Variants in LRTM1 observed in about 807,000 individuals in gnomAD.
LRTM1 encodes leucine-rich repeat and transmembrane domain-containing protein 1.
LRTM1 carries 38 observed loss-of-function variants against 32.4 expected under a neutral mutation model. That is an observed-to-expected ratio of 1.17 (90% CI 0.91 to 1.54). The LOEUF (loss-of-function observed/expected upper bound fraction) is 1.54. Among genes scored for constraint, LRTM1 ranks in the 40% most tolerant of loss-of-function variants. The probability of loss-of-function intolerance (pLI) is 0.00; values close to 1 mark genes in which losing one functional copy is unlikely to be tolerated. For synonymous variants in LRTM1, 186 were observed against 169.9 expected, an observed-to-expected ratio of 1.09 and a Z score of -0.74; for missense variants, 466 against 415.4, an observed-to-expected ratio of 1.12 and a Z score of -1.06.
chr3:54,952,132 C>A (rs779945549), intron 1 of LRTM1, among the ~76,000 whole-genome samples: 13 of 152,214 alleles, frequency 8.5e-5, no homozygotes, highest in Non-Finnish European at 7.3e-5. Flanking sequence ...ACATGTTAGC[C>A]ACTGGGCCTG....
At chr3:54,954,721 A>T (rs1191073999) in intron 1 of LRTM1, among the ~76,000 whole-genome samples, 1 of 152,166 alleles carries the variant, frequency 6.6e-6, no homozygotes, top group Non-Finnish European at 1.5e-5. Context: ...AGAGTCAAAA[A>T]TCCAGAATCT....
intron 1 of LRTM1, among the ~76,000 whole-genome samples, chr3:54,944,535 G>T (rs564829708): frequency 2.0e-5 from 3 of 151,800 alleles, no homozygotes; most frequent in African/African-American, 7.3e-5. Context: ...ATTCCCCTGC[G>T]TCAGCCTCCT....
intron 2 of LRTM1, among the ~76,000 whole-genome samples, chr3:54,922,320 CTTTTT>C (rs199955110): frequency 7.3e-6 from 1 of 137,020 alleles, no homozygotes; most frequent in Admixed American, 7.4e-5. Flanking sequence ...GTCCTGGGAA[CTTTTT>C]TTTTTTTTTT....
At chr3:54,956,422 T>C (rs1342639857) in intron 1 of LRTM1, among the ~76,000 whole-genome samples, 1 of 152,244 alleles carries the variant, frequency 6.6e-6, no homozygotes, top group Non-Finnish European at 1.5e-5. Flanking sequence ...TACCAGTTTT[T>C]GTTTTAACCT....
chr3:54,962,821 G>C (rs531572842), intron 1 of LRTM1, among the ~76,000 whole-genome samples: 1 of 152,218 alleles, frequency 6.6e-6, no homozygotes, highest in African/African-American at 2.4e-5. Flanking sequence ...GTGAGCTTGT[G>C]TGCCAGGCAT....
intron 1 of LRTM1, among the ~76,000 whole-genome samples, chr3:54,945,466 T>G (rs1701588910): frequency 2.0e-5 from 3 of 152,198 alleles, no homozygotes; most frequent in Non-Finnish European, 4.4e-5. Flanking sequence ...TAGGAGCCAA[T>G]GAGTGTCTCC....
At chr3:54,933,514 C>T (rs1014534811) in intron 1 of LRTM1, among the ~76,000 whole-genome samples, 2 of 152,138 alleles carry the variant, frequency 1.3e-5, no homozygotes, top group African/African-American at 2.4e-5. Flanking sequence ...ATCACATGAC[C>T]ATGTCTAACA....
At chr3:54,923,132 T>C (rs879632090) in intron 2 of LRTM1, among the ~76,000 whole-genome samples, 7 of 152,166 alleles carry the variant, frequency 4.6e-5, no homozygotes, top group African/African-American at 9.7e-5. Flanking sequence ...ACCTTTTACA[T>C]TGTAATCAGA....
At chr3:54,933,033 TTCCA>T (rs140054701), upstream of LRTM1, among the ~76,000 whole-genome samples, 5,971 of 146,742 alleles carry the variant, frequency 0.041, 449 homozygotes, top group African/African-American at 0.14. Flanking sequence ...TAATATTGTC[TTCCA>T]TCCATCCATC....
intron 1 of LRTM1, among the ~76,000 whole-genome samples, chr3:54,959,725 G>C (rs1701985489): frequency 6.6e-6 from 1 of 152,182 alleles, no homozygotes; most frequent in Non-Finnish European, 1.5e-5. Flanking sequence ...TCTTCTGAAA[G>C]GTTGAAAGGG....
chr3:54,927,965 G>T lies in LRTM1; in HGVS notation c.-54C>A. Reference sequence around the variant, plus strand: ...ACCTCGTAGACCCTTTAATTAATGTGCAGAGCAACACACGAAGGGCATGGC... The same window carrying T: ...ACCTCGTAGACCCTTTAATTAATGTTCAGAGCAACACACGAAGGGCATGGC... On this transcript the variant is annotated 5_prime_UTR_variant, in exon 1 of 3. Coordinates refer to ENST00000273286, the MANE Select transcript of LRTM1 (RefSeq NM_020678.4). 1.3e-5 allele frequency: 20 copies of T among 1,575,610 alleles called. No individual in the cohort carries two copies. Among genetic ancestry groups the T allele is most frequent in the Admixed American group, 1.7e-5 (1 of 59,948 alleles).
intron 1 of LRTM1, among the ~76,000 whole-genome samples, chr3:54,926,220 C>A (rs778203053): frequency 2.6e-5 from 4 of 152,116 alleles, no homozygotes; most frequent in Non-Finnish European, 5.9e-5. Context: ...CATTTTGAGC[C>A]ACCTACCATT....
upstream of LRTM1, among the ~76,000 whole-genome samples, chr3:54,931,773 A>G (rs565526468): frequency 6.6e-6 from 1 of 152,210 alleles, no homozygotes. Context: ...TCTATTTACC[A>G]TTTAATTTCC....
intron 1 of LRTM1, among the ~76,000 whole-genome samples, chr3:54,959,253 A>C (rs1407193478): frequency 1.3e-5 from 2 of 152,190 alleles, no homozygotes; most frequent in Non-Finnish European, 2.9e-5. Flanking sequence ...GGTGGTGTTC[A>C]GTTCACCACA....
At chr3:54,926,349 C>CA (rs1191241658) in intron 1 of LRTM1, among the ~76,000 whole-genome samples, 1 of 152,056 alleles carries the variant, frequency 6.6e-6, no homozygotes, top group Non-Finnish European at 1.5e-5. Flanking sequence ...ATCACTTGCC[C>CA]AAGTTCACAC....
intron 1 of LRTM1, among the ~76,000 whole-genome samples, chr3:54,965,267 C>T (rs1434122073): frequency 6.6e-6 from 1 of 152,192 alleles, no homozygotes; most frequent in African/African-American, 2.4e-5. Flanking sequence ...TTTGGCCTGA[C>T]ATTCAAGACC....
chr3:54,921,745 T>A (rs1700857443), intron 2 of LRTM1, among the ~76,000 whole-genome samples: 1 of 152,144 alleles, frequency 6.6e-6, no homozygotes, highest in African/African-American at 2.4e-5. Context: ...TCGAGGGGTC[T>A]TATGTCCCTA....
intron 1 of LRTM1, among the ~76,000 whole-genome samples, chr3:54,939,176 A>G (rs1701398530): frequency 6.6e-6 from 1 of 152,126 alleles, no homozygotes; most frequent in African/African-American, 2.4e-5. Flanking sequence ...AACTCTTACA[A>G]CCTTCCAGAA....
At chr3:54,930,277 C>A (rs1386842575), upstream of LRTM1, among the ~76,000 whole-genome samples, 1 of 152,146 alleles carries the variant, frequency 6.6e-6, no homozygotes, top group African/African-American at 2.4e-5. Flanking sequence ...CAAACATATC[C>A]ACTCTCCTGT....
Sources: gnomAD v4.1 joint callset for allele counts (sites outside exome capture counted in the v4.1 genomes callset) on GRCh38, gnomAD v4.1.1 for gene constraint, MANE v1.5 for transcripts, NCBI Gene and HGNC (gene_info 2026-07-23, HGNC 2026-07-21) for gene names.